TMEM94: variants seen among roughly 807,000 people sequenced by gnomAD.
TMEM94 encodes the protein transmembrane protein 94, also known as ER Mg2+ ATPase.
In TMEM94, 81 loss-of-function variants were observed where a neutral mutation model predicts 158.6. That is an observed-to-expected ratio of 0.51 (90% CI 0.43 to 0.61). The LOEUF is 0.61. Ranked by LOEUF, TMEM94 falls within the 20% of genes least tolerant of loss-of-function variation. TMEM94 has a pLI of 0.00. For synonymous variants in TMEM94, 751 were observed against 730.7 expected (o/e 1.03, Z -0.45); for missense variants, 1,435 against 1,762.0 (o/e 0.81, Z 3.32).
At chr17:75,464,672 CTTCCTTCTTTCTTTCTTTCT>C (rs2050235499) in intron 1 of TMEM94, among the ~76,000 whole-genome samples, 2 of 86,424 alleles carry the variant, frequency 2.3e-5, no homozygotes, top group Non-Finnish European at 2.2e-5. Context: ...TCCTTCCTTC[CTTCCTTCTTTCTTTCTTTCT>C]TTCTTTCTTT....
At position 75,489,906 on chromosome 17, in the gene TMEM94, C is replaced by G. The variant is rs556029272; in HGVS notation, c.954+244C>G. On this transcript the variant is annotated intron_variant, in intron 9 of 31. Coordinates refer to ENST00000314256, the MANE Select transcript of TMEM94 (RefSeq NM_014738.6). The surrounding 1 kb of genome is among the most constrained non-coding windows in gnomAD (Gnocchi z 5.0). ...CCATCCTGGCCAATATGGTGAAACC[C>G]CGTCTCTACTAAGAATATAAAAATT... The G allele has an allele frequency of 2.7e-4, 155 of 578,476 alleles. No homozygotes were observed. Among genetic ancestry groups the G allele is most frequent in the African/African-American group, 2.3e-3 (123 of 53,498 alleles). The allele number at this position is 578,476 out of a possible 1,614,324, so 35.8% of individuals were successfully genotyped here. A position where few individuals can be genotyped will look rare whatever the true frequency, so the allele number is the denominator to read the frequency against.
chr17:75,466,862 C>G (rs1391083422), intron 1 of TMEM94, among the ~76,000 whole-genome samples: 1 of 151,900 alleles, frequency 6.6e-6, no homozygotes, highest in East Asian at 1.9e-4. Context: ...CATCTTAATA[C>G]TGAGCCTTCC....
Position 75,499,316 on chromosome 17 carries a change from C to T in TMEM94, c.4053C>T (p.Gly1351=). Residue 1351 remains glycine (G), a synonymous_variant, in exon 32 of 32, where the codon GGC becomes GGT. Transcript: ENST00000314256. ...RQKLQFETKL[G]MNSPF ...AGCTGCAGTTTGAAACTAAGCTGGG[C>T]ATGAACTCTCCCTTCTGAGCCACTG... The T allele has an allele frequency of 6.2e-7, 1 of 1,613,718 alleles. No individual in the cohort carries two copies. The highest frequency in any genetic ancestry group is 8.5e-7 in the Non-Finnish European group (1 of 1,179,972).
Position 75,471,862 on chromosome 17 carries a change from G to C in TMEM94, c.-44G>C. 1 of 1,612,244 alleles carries C rather than the reference G, an allele frequency of 6.2e-7. No homozygotes were observed. Among genetic ancestry groups the C allele is most frequent in the Non-Finnish European group, 8.5e-7 (1 of 1,178,548 alleles). The stretch of plus-strand genomic sequence containing the variant: ...TGCTGGGGAGGAGCCTTCCTTTCAG[G>C]GGTGACCACATTCATCTGGGCATGC... On this transcript the variant is annotated 5_prime_UTR_variant, in exon 2 of 32. Transcript: ENST00000314256.
intron 1 of TMEM94, 45 bp from the exon 2 acceptor site, chr17:75,471,755 G>T: frequency 1.4e-6 from 1 of 719,366 alleles, no homozygotes; most frequent in Non-Finnish European, 2.4e-6. Flanking sequence ...CACAGTAGCT[G>T]CCTGTTCCAG....
Position 75,498,638 on chromosome 17 carries a change from C to T in TMEM94, c.3743C>T (p.Ser1248Phe). ...GCCCCACCTTCCCCAGTCTTCATTT[C>T]CATCACCCATGTGCATCGCACCAAG... is the stretch of plus-strand genomic sequence containing the variant. ...ALIVLHTVFI[S>F]ITHVHRTKPL... Residue 1248 changes from serine to phenylalanine, a missense_variant, in exon 30 of 32, where the codon TCC becomes TTC. Coordinates refer to ENST00000314256, the MANE Select transcript of TMEM94 (RefSeq NM_014738.6). The surrounding 1 kb of genome is among the most constrained non-coding windows in gnomAD (Gnocchi z 6.7). The T allele has an allele frequency of 6.2e-7, 1 of 1,611,090 alleles. No individual in the cohort carries two copies.
Position 75,490,363 on chromosome 17 carries a change from A to T in TMEM94, c.1071+13A>T. On this transcript the variant is annotated intron_variant, in intron 10 of 31. Coordinates refer to ENST00000314256, the MANE Select transcript of TMEM94 (RefSeq NM_014738.6). ...ACCCAGCTCCCTGGTAGGTTTTTCC[A>T]AGGTGTCTGGGGGAAGTCACAGGAA... is the stretch of plus-strand genomic sequence containing the variant. 6.2e-7 allele frequency: 1 copy of T among 1,611,286 alleles called. No homozygotes were observed. The highest frequency in any genetic ancestry group is 8.5e-7 in the Non-Finnish European group (1 of 1,179,278).
At position 75,492,706 on chromosome 17, in the gene TMEM94, G is replaced by A; in HGVS notation, c.1829G>A (p.Cys610Tyr). 18 of 1,613,052 alleles carry A rather than the reference G, an allele frequency of 1.1e-5. No individual in the cohort carries two copies. The highest frequency in any genetic ancestry group is 1.5e-5 in the Non-Finnish European group (18 of 1,180,004). The change falls in exon 15 of 32, where the codon TGC becomes TAC. Residue 610 changes from cysteine (C) to tyrosine (Y), a missense_variant. This residue lies in a region of TMEM94 where 1,051 missense variants were observed against 1,254.4 expected (regional missense o/e 0.84). Coordinates refer to ENST00000314256, the MANE Select transcript of TMEM94 (RefSeq NM_014738.6). The surrounding 1 kb of genome is among the most constrained non-coding windows in gnomAD (Gnocchi z 4.4). ...CTGTGCCGATTCTCCGACCACCTGT[G>A]CAACATCGCCCTGCAAGAGAGCCAC... ...ERLCRFSDHL[C>Y]NIALQESHSA...
Position 75,495,060 on chromosome 17 carries a change from A to T in TMEM94, c.2728+26A>T. ...GTAAGGGCAAAGGCGTGGGGTGGGG[A>T]CGGGGTGGCGGTGGGAGGATTCCCC... is the stretch of plus-strand genomic sequence containing the variant. On this transcript the variant is annotated intron_variant, in intron 20 of 31. Coordinates refer to ENST00000314256, the MANE Select transcript of TMEM94 (RefSeq NM_014738.6). The surrounding 1 kb of genome is among the most constrained non-coding windows in gnomAD (Gnocchi z 5.6). The T allele has an allele frequency of 6.4e-7, 1 of 1,553,206 alleles. No homozygotes were observed. Among genetic ancestry groups the T allele is most frequent in the Non-Finnish European group, 8.9e-7 (1 of 1,128,804 alleles).
At chr17:75,457,982 G>C (rs1354805472) in intron 1 of TMEM94, among the ~76,000 whole-genome samples, 1 of 152,150 alleles carries the variant, frequency 6.6e-6, no homozygotes, top group Admixed American at 6.5e-5. Flanking sequence ...GCAATGACTA[G>C]GGTCTTCATA....
At position 75,485,665 on chromosome 17, in the gene TMEM94, C is replaced by T; in HGVS notation, c.144+118C>T. 1.4e-6 allele frequency: 2 copies of T among 1,443,776 alleles called. No homozygotes were observed. The highest frequency in any genetic ancestry group is 4.0e-5 in the Admixed American group (2 of 50,494). The allele number at this position is 1,443,776 out of a possible 1,614,324, so 89.4% of individuals were successfully genotyped here. ...CTGGACAGTGTGACCCAACTGAGGC[C>T]TCATGAAATATCAGAAAGAAGCCAA... On this transcript the variant is annotated intron_variant, in intron 3 of 31. Transcript: ENST00000314256. This position sits in a 1 kb window ranked among gnomAD's most constrained non-coding sequence, Gnocchi z 5.5.
In TMEM94 at chr17:75,499,322, C is replaced by G; in HGVS notation, c.4059C>G (p.Asn1353Lys). 6.2e-7 allele frequency: 1 copy of G among 1,613,692 alleles called. No individual in the cohort carries two copies. The highest frequency in any genetic ancestry group is 2.2e-5 in the East Asian group (1 of 44,886). ...AGTTTGAAACTAAGCTGGGCATGAACTCTCCCTTCTGAGCCACTGGCTGTG... is the reference window on the plus strand; with the variant it reads ...AGTTTGAAACTAAGCTGGGCATGAAGTCTCCCTTCTGAGCCACTGGCTGTG... Reference protein sequence around the residue: ...KLQFETKLGMNSPF With the variant: ...KLQFETKLGMKSPF Residue 1353 changes from asparagine (N) to lysine (K), a missense_variant, in exon 32 of 32, where the codon AAC (asparagine) becomes AAG (lysine). Around this residue, in one of 3 missense-constraint regions of TMEM94, gnomAD observed 335 missense variants for 409.1 expected, o/e 0.82. Coordinates refer to ENST00000314256, the MANE Select transcript of TMEM94 (RefSeq NM_014738.6).
At position 75,485,019 on chromosome 17, in the gene TMEM94, C is replaced by G. The variant is rs1316489434; in HGVS notation, c.25-409C>G. On this transcript the variant is annotated intron_variant, in intron 2 of 31. Transcript: ENST00000314256. The surrounding 1 kb of genome is among the most constrained non-coding windows in gnomAD (Gnocchi z 5.5). ...TGCCACTGCACTCCAGCCTAGGAGA[C>G]TAAGCAAGACTCTATCTAAAAAAAA... 6.7e-6 allele frequency among the ~76,000 whole-genome samples: 1 copy of G among 148,540 alleles called. No individual in the cohort carries two copies. Among genetic ancestry groups the G allele is most frequent in the Non-Finnish European group, 1.5e-5 (1 of 67,544 alleles).
At chr17:75,458,345 A>G (rs1025660600) in intron 1 of TMEM94, among the ~76,000 whole-genome samples, 1 of 152,208 alleles carries the variant, frequency 6.6e-6, no homozygotes, top group Non-Finnish European at 1.5e-5. Flanking sequence ...TAGTTTAAAA[A>G]AAAAGTTAGA....
At position 75,491,320 on chromosome 17, in the gene TMEM94, C is replaced by A. The variant is rs1453533030; in HGVS notation, c.1251C>A (p.Asp417Glu). 1.2e-6 allele frequency: 2 copies of A among 1,614,160 alleles called. No individual in the cohort carries two copies. Among genetic ancestry groups the A allele is most frequent in the Admixed American group, 1.7e-5 (1 of 60,026 alleles). The change falls in exon 13 of 32, where the codon GAC (aspartate) becomes GAA (glutamate). Residue 417 changes from aspartate to glutamate, a missense_variant. Asp to Glu is a conservative substitution (Grantham distance 45). Transcript: ENST00000314256. The surrounding 1 kb of genome is among the most constrained non-coding windows in gnomAD (Gnocchi z 5.1). ...LGSVTVLCCV[D>E]KQGILSWPNP... The stretch of plus-strand genomic sequence containing the variant: ...CCATGCAGGTCCTGTGCTGTGTGGA[C>A]AAACAGGGGATCCTGTCATGGCCAA...
intron 1 of TMEM94, among the ~76,000 whole-genome samples, chr17:75,460,497 C>A (rs907921395): frequency 2.0e-5 from 3 of 150,966 alleles, no homozygotes; most frequent in African/African-American, 7.4e-5. Flanking sequence ...ATTGCAAAAT[C>A]AGAATCAGGA....
At chr17:75,465,679 A>ATATATATATATTTTTTTTT (rs1247855961) in intron 1 of TMEM94, among the ~76,000 whole-genome samples, 2 of 124,848 alleles carry the variant, frequency 1.6e-5, no homozygotes, top group African/African-American at 7.0e-5. Flanking sequence ...ATATATATAT[A>ATATATATATATTTTTTTTT]TTTTTTTTTA....
At chr17:75,463,097 T>C (rs1318803321) in intron 1 of TMEM94, among the ~76,000 whole-genome samples, 538 of 12,366 alleles carry the variant, frequency 0.044, 121 homozygotes, top group African/African-American at 0.38. Flanking sequence ...CACACACATA[T>C]ATATGTGTGT....
chr17:75,487,055 C>T lies in TMEM94; in HGVS notation c.409+629C>T, dbSNP rs1201700346. ...TTCTCCAACAGACCTGGGCAGTGGA[C>T]GTTTAGATGCTAAGTGAGTTTGTCC... On this transcript the variant is annotated intron_variant, in intron 5 of 31. Coordinates refer to ENST00000314256, the MANE Select transcript of TMEM94 (RefSeq NM_014738.6). This position sits in a 1 kb window ranked among gnomAD's most constrained non-coding sequence, Gnocchi z 4.6. 1.3e-5 allele frequency among the ~76,000 whole-genome samples: 2 copies of T among 152,152 alleles called. No individual in the cohort carries two copies. The highest frequency in any genetic ancestry group is 1.9e-4 in the East Asian group (1 of 5,198).
Sources: gnomAD v4.1 joint callset for allele counts (sites outside exome capture counted in the v4.1 genomes callset) on GRCh38, gnomAD v4.1.1 for gene constraint, gnomAD v4.1.1 regional missense constraint, Gnocchi (gnomAD v3.1) non-coding constraint, MANE v1.5 for transcripts, NCBI Gene and HGNC (gene_info 2026-07-23, HGNC 2026-07-21) for gene names.